Variants in PCNX1 observed in about 807,000 individuals in gnomAD.
PCNX1 encodes the protein pecanex-like protein 1.
PCNX1 carries 78 observed loss-of-function variants against 242.2 expected under a neutral mutation model. The observed-to-expected ratio is 0.32, with a 90% CI of 0.27 to 0.39. The LOEUF is 0.39. Among genes scored for constraint, PCNX1 ranks in the 10% least tolerant of loss-of-function variants. The probability of loss-of-function intolerance (pLI) is 1.00; values close to 1 mark genes in which losing one functional copy is unlikely to be tolerated. For synonymous variants in PCNX1, 1,024 were observed against 1,032.9 expected (o/e 0.99, Z 0.17); for missense variants, 2,581 against 2,856.5 (o/e 0.90, Z 2.20).
chr14:70,935,871 T>C (rs971168814), intron 1 of PCNX1, among the ~76,000 whole-genome samples: 1 of 152,228 alleles, frequency 6.6e-6, no homozygotes, highest in Non-Finnish European at 1.5e-5. Flanking sequence ...AAAATTCCTG[T>C]CTGGAAATGA....
chr14:70,964,267 C>T (rs1311579224), intron 3 of PCNX1, among the ~76,000 whole-genome samples: 1 of 152,152 alleles, frequency 6.6e-6, no homozygotes, highest in East Asian at 1.9e-4. Flanking sequence ...TGGGGTTCAC[C>T]ATGTTGTCCA....
intron 23 of PCNX1, 96 bp from the exon 24 acceptor site, chr14:71,051,787 T>G: frequency 1.2e-5 from 14 of 1,159,908 alleles, no homozygotes; most frequent in South Asian, 3.0e-5. Flanking sequence ...GTTCTCTAAT[T>G]GAGGTAATCT....
chr14:70,941,899 C>T (rs548038899), intron 1 of PCNX1, among the ~76,000 whole-genome samples: 15 of 152,306 alleles, frequency 9.8e-5, no homozygotes, highest in African/African-American at 2.4e-4. Context: ...TAGGAGTGAG[C>T]GAGGCTCTGT....
rs2058717919 is a variant in PCNX1, at chr14:70,977,414, C to G, written c.1077C>G (p.Ser359Arg). The G allele has an allele frequency of 5.0e-6, 8 of 1,614,052 alleles. No homozygotes were observed. Among genetic ancestry groups the G allele is most frequent in the Non-Finnish European group, 6.8e-6 (8 of 1,180,026 alleles). ...AGCCACCCACAAAAAGTGGGAAGAG[C>G]AAACCTTTGAAAGCAGAGAAAAGCA... Reference protein sequence around the residue: ...TSQPPTKSGKSKPLKAEKSMD... With the variant: ...TSQPPTKSGKRKPLKAEKSMD... The change falls in exon 6 of 36, where the codon AGC (serine) becomes AGG (arginine). Residue 359 changes from serine (S) to arginine (R), a missense_variant. This residue lies in a region of PCNX1 where 1,204 missense variants were observed against 1,216.7 expected (regional missense o/e 0.99). Coordinates refer to ENST00000304743, the MANE Select transcript of PCNX1 (RefSeq NM_014982.3).
chr14:70,934,656 C>T (rs918391424), intron 1 of PCNX1, among the ~76,000 whole-genome samples: 1 of 152,132 alleles, frequency 6.6e-6, no homozygotes, highest in Non-Finnish European at 1.5e-5. Flanking sequence ...ACACAAGTCT[C>T]TAGGAAGTTC....
chr14:71,095,409 A>G (rs544427303), intron 30 of PCNX1, among the ~76,000 whole-genome samples: 2 of 152,268 alleles, frequency 1.3e-5, no homozygotes, highest in East Asian at 3.9e-4. Flanking sequence ...ATCTGCTTGT[A>G]GCATCTCAAG....
intron 1 of PCNX1, among the ~76,000 whole-genome samples, chr14:70,925,867 G>A (rs1439893336): frequency 2.0e-5 from 3 of 151,976 alleles, no homozygotes; most frequent in Non-Finnish European, 2.9e-5. Context: ...TGCCCCTGCC[G>A]TTTTTTCCTT....
At chr14:71,087,394 G>C (rs1052478089) in intron 28 of PCNX1, among the ~76,000 whole-genome samples, 1 of 152,126 alleles carries the variant, frequency 6.6e-6, no homozygotes, top group Non-Finnish European at 1.5e-5. Flanking sequence ...CCTATCAATA[G>C]TAAGTTAATA....
At chr14:71,048,892 GTCAA>G (rs1027628042) in intron 22 of PCNX1, 1 of 237,514 alleles carries the variant, frequency 4.2e-6, no homozygotes, top group African/African-American at 2.3e-5. Flanking sequence ...TTCATTGATA[GTCAA>G]TTTCAGTATT....
In PCNX1 at chr14:71,103,386, G is replaced by A; in HGVS notation, c.5821-9G>A. 6.2e-7 allele frequency: 1 copy of A among 1,613,286 alleles called. No individual in the cohort carries two copies. Among genetic ancestry groups the A allele is most frequent in the South Asian group, 1.1e-5 (1 of 90,994 alleles). ...CCTTAACCTAATTCCCTTGTGTTCTGGTTTTCAGGTGAATAAGGAATGTGT... is the reference window on the plus strand; with the variant it reads ...CCTTAACCTAATTCCCTTGTGTTCTAGTTTTCAGGTGAATAAGGAATGTGT... On this transcript the variant is annotated splice_polypyrimidine_tract_variant and intron_variant, in intron 31 of 35. Transcript: ENST00000304743.
intron 14 of PCNX1, 116 bp downstream of exon 14, chr14:71,026,404 A>C (rs1410860269): frequency 1.6e-6 from 1 of 619,528 alleles, no homozygotes; most frequent in Non-Finnish European, 2.6e-6. Context: ...TTTTACTGTT[A>C]TTATGTGCTC....
chr14:70,978,739 A>C (rs2058752648), intron 6 of PCNX1, 91 bp downstream of exon 6: 31 of 1,105,648 alleles, frequency 2.8e-5, no homozygotes, highest in Non-Finnish European at 4.0e-5. Flanking sequence ...TGCTTCTGTT[A>C]ATATTCCCCC....
intron 7 of PCNX1, among the ~76,000 whole-genome samples, chr14:70,992,049 A>G (rs1002306468): frequency 3.3e-5 from 5 of 152,148 alleles, no homozygotes; most frequent in Admixed American, 6.5e-5. Context: ...ATACTGTTTC[A>G]GAATTATTTT....
chr14:71,113,049 A>T lies in PCNX1; in HGVS notation c.*3114A>T, dbSNP rs923256900. ...AACACTGGATAAAACTTTAATGTTGACTTTTTGCTAAAGAACTTTAATTTT... is the reference window on the plus strand; with the variant it reads ...AACACTGGATAAAACTTTAATGTTGTCTTTTTGCTAAAGAACTTTAATTTT... On this transcript the variant is annotated 3_prime_UTR_variant, in exon 36 of 36. Coordinates refer to ENST00000304743, the MANE Select transcript of PCNX1 (RefSeq NM_014982.3). 2.0e-5 allele frequency: 3 copies of T among 152,152 alleles called. No individual in the cohort carries two copies. The highest frequency in any genetic ancestry group is 7.2e-5 in the African/African-American group (3 of 41,436). 9.4% of individuals were successfully genotyped at this position (152,152 alleles called of 1,614,324 possible). A position where few individuals can be genotyped will look rare whatever the true frequency, so the allele number is the denominator to read the frequency against.
At chr14:71,103,035 C>T (rs566431129) in intron 31 of PCNX1, among the ~76,000 whole-genome samples, 209 of 152,120 alleles carry the variant, frequency 1.4e-3, no homozygotes, top group Non-Finnish European at 2.6e-3. Flanking sequence ...AATCGACCCA[C>T]AAATGTCATA....
At position 71,013,169 on chromosome 14, in the gene PCNX1, T is replaced by A. The variant is rs1379607907; in HGVS notation, c.2963T>A (p.Phe988Tyr). Residue 988 changes from phenylalanine to tyrosine, a missense_variant, in exon 11 of 36, where the codon TTT (phenylalanine) becomes TAT (tyrosine). By Grantham distance (22) the Phe-to-Tyr change is conservative. Transcript: ENST00000304743. ...CCCCAGCTGTGGATTGGCATTAACT[T>A]TGACAGACTCACACTTTTGGCCCTG... ...ILPQLWIGIN[F>Y]DRLTLLALFD... is the part of the protein sequence containing the mutation. The A allele has an allele frequency of 1.2e-6, 2 of 1,613,950 alleles. No individual in the cohort carries two copies. The highest frequency in any genetic ancestry group is 2.7e-5 in the African/African-American group (2 of 74,926).
chr14:70,970,394 A>C (rs1460260664), intron 5 of PCNX1, among the ~76,000 whole-genome samples: 1 of 152,146 alleles, frequency 6.6e-6, no homozygotes, highest in Admixed American at 6.6e-5. Context: ...CCAATCAATC[A>C]GTCAATATCA....
chr14:71,014,216 C>A (rs1176414996), intron 11 of PCNX1, among the ~76,000 whole-genome samples: 2 of 152,184 alleles, frequency 1.3e-5, no homozygotes, highest in Non-Finnish European at 2.9e-5. Flanking sequence ...AGCAGGAGCA[C>A]TACTTCACAC....
At chr14:70,932,075 C>T (rs141480824) in intron 1 of PCNX1, among the ~76,000 whole-genome samples, 15,949 of 152,144 alleles carry the variant, frequency 0.1, 1,202 homozygotes, top group Non-Finnish European at 0.16. Flanking sequence ...TGCAGAGAGC[C>T]GAGATCGCGC....
Sources: gnomAD v4.1 joint callset for allele counts (sites outside exome capture counted in the v4.1 genomes callset) on GRCh38, gnomAD v4.1.1 for gene constraint, gnomAD v4.1.1 regional missense constraint, MANE v1.5 for transcripts, NCBI Gene and HGNC (gene_info 2026-07-23, HGNC 2026-07-21) for gene names.